TNC: variants seen among roughly 807,000 people sequenced by gnomAD.
TNC encodes tenascin C.
TNC carries 109 observed loss-of-function variants against 202.4 expected under a neutral mutation model. That is an observed-to-expected ratio of 0.54 (90% CI 0.46 to 0.63). TNC has a LOEUF of 0.63. TNC is among the 30% of genes least tolerant of loss of function. The probability of loss-of-function intolerance (pLI) is 0.00; values close to 1 mark genes in which losing one functional copy is unlikely to be tolerated. For missense variants in TNC, 2,756 were observed against 2,833.3 expected, an observed-to-expected ratio of 0.97 and a Z score of 0.62; for synonymous variants, 1,007 against 1,089.7, an observed-to-expected ratio of 0.92 and a Z score of 1.50.
chr9:115,052,909 A>G (rs1831812553), intron 15 of TNC: 1 of 702,778 alleles, frequency 1.4e-6, no homozygotes. Context: ...CGTCACTCAC[A>G]TTGATAACAA....
chr9:115,059,408 G>A (rs1008557693), intron 14 of TNC, among the ~76,000 whole-genome samples: 1 of 152,146 alleles, frequency 6.6e-6, no homozygotes, highest in African/African-American at 2.4e-5. Context: ...TCCAAGCACT[G>A]GAGAAGTGAA....
intron 9 of TNC, among the ~76,000 whole-genome samples, chr9:115,075,028 G>A (rs890693683): frequency 6.6e-6 from 1 of 152,028 alleles, no homozygotes; most frequent in Non-Finnish European, 1.5e-5. Flanking sequence ...AAAAGAATTG[G>A]CATGTAAATG....
chr9:115,076,300 T>G, intron 8 of TNC, 90 bp downstream of exon 8: 2 of 1,492,814 alleles, frequency 1.3e-6, no homozygotes, highest in Non-Finnish European at 1.8e-6. Flanking sequence ...TTTCTGAGGG[T>G]TGCAAATGGG....
intron 15 of TNC, among the ~76,000 whole-genome samples, chr9:115,056,860 A>G (rs955412842): frequency 4.6e-5 from 7 of 152,244 alleles, no homozygotes; most frequent in Non-Finnish European, 1.0e-4. Flanking sequence ...ATAGCTTTTT[A>G]GTTATGAGAG....
chr9:115,086,355 C>G lies in TNC; in HGVS notation c.1376G>C (p.Gly459Ala), dbSNP rs1422768641. The G allele has an allele frequency of 1.9e-6, 3 of 1,614,162 alleles. No individual in the cohort carries two copies. The South Asian group carries it at 3.3e-5, about 18-fold the overall frequency. ...CVEGKCVCEQ[G>A]FKGYDCSDMS... Reference sequence around the variant, plus strand: ...GTCACTGCAGTCATAGCCCTTGAAGCCTTGCTCACATACACATTTGCCCTC... The same window carrying G: ...GTCACTGCAGTCATAGCCCTTGAAGGCTTGCTCACATACACATTTGCCCTC... Residue 459 changes from glycine to alanine, a missense_variant, in exon 3 of 28, where the codon GGC becomes GCC. By Grantham distance (60) the Gly-to-Ala change is moderately conservative. Transcript: ENST00000350763.
At chr9:115,055,593 C>G (rs1047072377) in intron 15 of TNC, 4 of 152,430 alleles carry the variant, frequency 2.6e-5, no homozygotes, top group Admixed American at 2.6e-4. Flanking sequence ...CGAGACACCC[C>G]AGGCACAGAC....
chr9:115,044,456 C>T (rs1311440970), intron 17 of TNC, among the ~76,000 whole-genome samples: 5 of 151,156 alleles, frequency 3.3e-5, no homozygotes, highest in Non-Finnish European at 7.4e-5. Context: ...TGGCTATAAG[C>T]TACTAGGCTC....
intron 1 of TNC, among the ~76,000 whole-genome samples, chr9:115,104,586 A>C (rs1164635324): frequency 6.6e-6 from 1 of 152,216 alleles, no homozygotes; most frequent in Non-Finnish European, 1.5e-5. Context: ...ATTCAACTAT[A>C]AAATCTCTCC....
At chr9:115,059,663 G>A (rs1054511582) in intron 14 of TNC, 67 bp downstream of exon 14, 36 of 1,473,198 alleles carry the variant, frequency 2.4e-5, no homozygotes, top group African/African-American at 1.7e-4. Context: ...TGCTGACTCC[G>A]CGCATGATCT....
chr9:115,050,834 A>G (rs1320342058), intron 15 of TNC, among the ~76,000 whole-genome samples: 1 of 152,194 alleles, frequency 6.6e-6, no homozygotes, highest in Non-Finnish European at 1.5e-5. Flanking sequence ...GCATAAGGAA[A>G]TTAGGGTTCA....
chr9:115,105,907 G>A (rs1019745300), intron 1 of TNC, among the ~76,000 whole-genome samples: 1 of 152,154 alleles, frequency 6.6e-6, no homozygotes, highest in African/African-American at 2.4e-5. Flanking sequence ...CGAAGAAGGG[G>A]ACAGTTTATA....
chr9:115,035,930 T>C (rs1830288926), intron 21 of TNC, 168 bp downstream of exon 21: 1 of 758,538 alleles, frequency 1.3e-6, no homozygotes, highest in Non-Finnish European at 2.1e-6. Context: ...AGTGTGTTTC[T>C]TCAGGCCTTG....
intron 20 of TNC, among the ~76,000 whole-genome samples, chr9:115,037,701 T>C (rs1228924788): frequency 6.6e-6 from 1 of 152,114 alleles, no homozygotes; most frequent in African/African-American, 2.4e-5. Context: ...CTAATTTTTG[T>C]ATTTTTAGAA....
rs149865814 is a variant in TNC, at chr9:115,064,038, A to G, written c.3518T>C (p.Val1173Ala). Residue 1173 changes from valine (V) to alanine (A), a missense_variant, in exon 12 of 28, where the codon GTG (valine) becomes GCG (alanine). Val to Ala is a moderately conservative substitution (Grantham distance 64). Around this residue, in one of 2 missense-constraint regions of TNC, gnomAD observed 2,559 missense variants for 2,546.0 expected, o/e 1.01. Coordinates refer to ENST00000350763, the MANE Select transcript of TNC (RefSeq NM_002160.4). ...GAGGGCATCCCAGCCCACCTCGGCC[A>G]CCACGACCTCTCCCAAATTGGGAGT... ...GETPNLGEVV[V>A]AEVGWDALKL... 5.7e-5 allele frequency: 92 copies of G among 1,611,568 alleles called. No individual in the cohort carries two copies. In the African/African-American group the frequency reaches 1.1e-3, roughly 20 times the overall value.
At chr9:115,106,808 C>T (rs892872863) in intron 1 of TNC, among the ~76,000 whole-genome samples, 8 of 152,106 alleles carry the variant, frequency 5.3e-5, no homozygotes, top group African/African-American at 1.9e-4. Flanking sequence ...CTGGAAATTA[C>T]CACTTTCAGT....
chr9:115,057,181 G>T lies in TNC; in HGVS notation c.4551C>A (p.Thr1517=), dbSNP rs150355997. The T allele has an allele frequency of 1.9e-6, 3 of 1,613,574 alleles. No homozygotes were observed. The highest frequency in any genetic ancestry group is 2.2e-5 in the East Asian group (1 of 44,898). The change falls in exon 15 of 28, where the codon ACC becomes ACA. Residue 1517 remains threonine, a synonymous_variant. Coordinates refer to ENST00000350763, the MANE Select transcript of TNC (RefSeq NM_002160.4). ...YLSGLAPSIR[T]KTISATATTE... is the part of the protein sequence containing the mutation. ...TCGTGGCTGTGGCACTGATGGTTTTGGTCCGGATGCTGGGAGCAAGTCCAG... is the reference window on the plus strand; with the variant it reads ...TCGTGGCTGTGGCACTGATGGTTTTTGTCCGGATGCTGGGAGCAAGTCCAG...
intron 19 of TNC, among the ~76,000 whole-genome samples, chr9:115,039,799 T>C (rs1830597397): frequency 6.6e-6 from 1 of 152,244 alleles, no homozygotes; most frequent in Non-Finnish European, 1.5e-5. Context: ...CAATGGGGCA[T>C]TGGGAGGAAC....
At position 115,020,482 on chromosome 9, in the gene TNC, T is replaced by C; in HGVS notation, c.*675A>G. On this transcript the variant is annotated 3_prime_UTR_variant, in exon 28 of 28. Transcript: ENST00000350763. ...CCCAACATTCCCCGCTTTGTTCAAA[T>C]GATTGGCTTTGGTGAAATTCAGACT... 1 of 199,892 alleles carries C rather than the reference T, an allele frequency of 5.0e-6. No individual in the cohort carries two copies. The highest frequency in any genetic ancestry group is 1.0e-5 in the Non-Finnish European group (1 of 97,544). 12.4% of individuals were successfully genotyped at this position (199,892 alleles called of 1,614,324 possible).
intron 23 of TNC, 75 bp from the exon 24 acceptor site, chr9:115,030,480 T>G: frequency 9.6e-6 from 14 of 1,462,508 alleles, no homozygotes; most frequent in Non-Finnish European, 1.2e-5. Context: ...AGCTTAACTC[T>G]ATGGACTAGA....
Sources: allele counts gnomAD v4.1 joint callset (sites outside exome capture counted in the v4.1 genomes callset), GRCh38; gene constraint gnomAD v4.1.1; regional missense constraint gnomAD v4.1.1; transcripts MANE v1.5; gene names NCBI Gene and HGNC (gene_info 2026-07-23, HGNC 2026-07-21).